Variants in CALN1 observed in about 807,000 individuals in gnomAD.
CALN1 encodes calcium-binding protein 8.
CALN1 carries 17 observed loss-of-function variants against 30.6 expected under a neutral mutation model. The observed-to-expected ratio is 0.56, with a 90% confidence interval of 0.38 to 0.83. The LOEUF is 0.83. CALN1 is among the 40% of genes least tolerant of loss of function. CALN1 has a pLI of 0.00. For synonymous variants in CALN1, 156 were observed against 131.4 expected (o/e 1.19, Z -1.28); for missense variants, 291 against 354.9 (o/e 0.82, Z 1.45).
chr7:72,411,457 G>C (rs1046019066), intron 1 of CALN1, among the ~76,000 whole-genome samples: 2 of 152,120 alleles, frequency 1.3e-5, no homozygotes, highest in African/African-American at 2.4e-5. Context: ...TAAAAACTCT[G>C]AAATCTAGTT....
In CALN1 at chr7:71,784,545, G is replaced by A. The variant is rs916992054; in HGVS notation, c.*3230C>T. On this transcript the variant is annotated 3_prime_UTR_variant, in exon 7 of 7. Transcript: ENST00000395275. ...CTTTGTGGGTATCTGGAAAGGTGGGGCGCAGCTTCTTTGGGGATCAAGGGG... is the reference window on the plus strand; with the variant it reads ...CTTTGTGGGTATCTGGAAAGGTGGGACGCAGCTTCTTTGGGGATCAAGGGG... 2.7e-4 allele frequency: 91 copies of A among 333,312 alleles called. No homozygotes were observed. Among genetic ancestry groups the A allele is most frequent in the Admixed American group, 1.9e-4 (4 of 20,554 alleles). The allele number at this position is 333,312 out of a possible 1,614,324, so 20.6% of individuals were successfully genotyped here.
intron 4 of CALN1, among the ~76,000 whole-genome samples, chr7:72,064,071 C>T (rs1043556859): frequency 1.3e-5 from 2 of 152,048 alleles, no homozygotes; most frequent in Admixed American, 1.3e-4. Flanking sequence ...GTTAGGAGTT[C>T]GAGACCAGCC....
At chr7:72,050,646 C>G (rs1802775517) in intron 4 of CALN1, among the ~76,000 whole-genome samples, 1 of 152,112 alleles carries the variant, frequency 6.6e-6, no homozygotes, top group Admixed American at 6.6e-5. Context: ...AATTACATAA[C>G]TCAAATATGT....
At chr7:72,147,897 T>C (rs569207146) in intron 3 of CALN1, among the ~76,000 whole-genome samples, 5 of 136,436 alleles carry the variant, frequency 3.7e-5, no homozygotes, top group African/African-American at 1.4e-4. Flanking sequence ...GAATTGAACA[T>C]TGACAACACT....
At chr7:72,453,993 A>AATATATATATAT in the CALN1 span, among the ~76,000 whole-genome samples, 461 of 148,196 alleles carry the variant, frequency 3.1e-3, 8 homozygotes, top group African/African-American at 0.011. Context: ...ACAACCAAAA[A>AATATATATATAT]ATATATATAT....
At chr7:72,123,640 G>A (rs554430771) in intron 3 of CALN1, among the ~76,000 whole-genome samples, 10 of 152,236 alleles carry the variant, frequency 6.6e-5, no homozygotes, top group African/African-American at 1.9e-4. Flanking sequence ...CCAGGGAACC[G>A]CTCCCCTCTG....
chr7:71,827,569 G>A (rs1406549394), intron 5 of CALN1, among the ~76,000 whole-genome samples: 3 of 151,976 alleles, frequency 2.0e-5, no homozygotes, highest in African/African-American at 4.8e-5. Context: ...TCGGGAGTTC[G>A]AGACAAGCCT....
At chr7:72,174,099 T>A (rs1159003436) in intron 3 of CALN1, among the ~76,000 whole-genome samples, 1 of 151,594 alleles carries the variant, frequency 6.6e-6, no homozygotes, top group Non-Finnish European at 1.5e-5. Flanking sequence ...AAAAGAGGCT[T>A]CAAAAATGAA....
At chr7:72,410,707 T>C (rs1807065272) in intron 1 of CALN1, among the ~76,000 whole-genome samples, 1 of 152,154 alleles carries the variant, frequency 6.6e-6, no homozygotes, top group African/African-American at 2.4e-5. Flanking sequence ...GGCTCACAAT[T>C]AAATTAACAT....
intron 2 of CALN1, among the ~76,000 whole-genome samples, chr7:72,306,431 C>G (rs923558877): frequency 3.3e-5 from 5 of 152,112 alleles, no homozygotes; most frequent in African/African-American, 1.2e-4. Flanking sequence ...AGTCTTTTAT[C>G]TTAACCTAAA....
chr7:71,812,917 TATC>T lies in CALN1; in HGVS notation c.502-2428_502-2426del, dbSNP rs374067128. Among the ~76,000 whole-genome samples the T allele has an allele frequency of 6.6e-3, 912 of 138,100 alleles. 11 individuals carry two copies. The highest frequency in any genetic ancestry group is 0.013 in the East Asian group (61 of 4,748). The allele number at this position is 138,100 out of a possible 152,430, so 90.6% of individuals were successfully genotyped here. A position where few individuals can be genotyped will look rare whatever the true frequency, so the allele number is the denominator to read the frequency against. On this transcript the variant is annotated intron_variant, in intron 5 of 6. Transcript: ENST00000395275. ...CACCACCATGTCCAGCTATTTTATT[TATC>T]ATCATCATCATTATTATTATTATTA...
chr7:71,828,084 T>A (rs1204303975), intron 5 of CALN1, among the ~76,000 whole-genome samples: 2 of 152,112 alleles, frequency 1.3e-5, no homozygotes, highest in Non-Finnish European at 2.9e-5. Context: ...GTGCATTTCC[T>A]CGGGTAAAAT....
intron 3 of CALN1, among the ~76,000 whole-genome samples, chr7:72,235,946 C>T (rs1299899321): frequency 2.0e-5 from 3 of 151,766 alleles, no homozygotes; most frequent in African/African-American, 7.3e-5. Context: ...TCCAAATAAC[C>T]TGATTTCACA....
chr7:72,389,418 T>C (rs1435949775), intron 2 of CALN1, among the ~76,000 whole-genome samples: 1 of 152,190 alleles, frequency 6.6e-6, no homozygotes, highest in Non-Finnish European at 1.5e-5. Context: ...AGGAAAATAA[T>C]TTTTAAGCCT....
intron 2 of CALN1, among the ~76,000 whole-genome samples, chr7:72,345,384 A>T (rs1299565347): frequency 7.3e-6 from 1 of 136,228 alleles, no homozygotes; most frequent in East Asian, 2.1e-4. Context: ...AGAAAGAAAA[A>T]AGGAAAAGGG....
chr7:72,303,734 G>C (rs1252369101), intron 2 of CALN1, among the ~76,000 whole-genome samples: 1 of 151,976 alleles, frequency 6.6e-6, no homozygotes, highest in Non-Finnish European at 1.5e-5. Context: ...ACTAGGTGGG[G>C]TGTGCTGGCT....
At chr7:72,402,452 G>C (rs1218661612) in intron 2 of CALN1, among the ~76,000 whole-genome samples, 1 of 152,140 alleles carries the variant, frequency 6.6e-6, no homozygotes, top group Non-Finnish European at 1.5e-5. Flanking sequence ...TAAAGCTGGA[G>C]ATCCCATTCT....
intron 3 of CALN1, among the ~76,000 whole-genome samples, chr7:72,126,356 T>C (rs1400949113): frequency 2.0e-5 from 3 of 152,222 alleles, no homozygotes; most frequent in African/African-American, 7.2e-5. Flanking sequence ...CAATTTTGAC[T>C]TCTGCTGCTA....
the CALN1 span, among the ~76,000 whole-genome samples, chr7:72,468,947 C>A: frequency 6.6e-6 from 1 of 152,106 alleles, no homozygotes; most frequent in African/African-American, 2.4e-5. Context: ...TAAATATATT[C>A]TGTATACTAG....
Sources: gnomAD v4.1 joint callset for allele counts (sites outside exome capture counted in the v4.1 genomes callset) on GRCh38, gnomAD v4.1.1 for gene constraint, MANE v1.5 for transcripts, NCBI Gene and HGNC (gene_info 2026-07-23, HGNC 2026-07-21) for gene names.